Variants in RAB9B observed in about 807,000 individuals in gnomAD.
RAB9B encodes RAB9B, member RAS oncogene family.
Under a neutral mutation model 8.9 loss-of-function variants are expected in RAB9B, and 1 was observed. The observed-to-expected ratio is 0.11, with a 90% CI of 0.04 to 0.53. The LOEUF (loss-of-function observed/expected upper bound fraction) is 0.53. RAB9B is among the 20% of genes least tolerant of loss of function. The pLI, the probability that RAB9B is intolerant of heterozygous loss-of-function variation, is 0.93. For synonymous variants in RAB9B, 63 were observed against 57.0 expected (o/e 1.10, Z -0.47); for missense variants, 82 against 152.9 (o/e 0.54, Z 2.45).
At chrX:103,809,285 T>C in the RAB9B span, among the ~76,000 whole-genome samples, 1 of 112,268 alleles carries the variant, frequency 8.9e-6, no homozygotes, top group Non-Finnish European at 1.9e-5. Context: ...CCTCCAGAAC[T>C]GTAAGAGATA....
the RAB9B span, among the ~76,000 whole-genome samples, chrX:103,810,723 C>G: frequency 8.9e-6 from 1 of 111,758 alleles, no homozygotes; most frequent in African/African-American, 3.3e-5. Context: ...AGCTTCCTAC[C>G]CCTTTGCTTA....
chrX:103,805,312 A>G, the RAB9B span, among the ~76,000 whole-genome samples: 4 of 111,630 alleles, frequency 3.6e-5, no homozygotes, highest in African/African-American at 1.3e-4. Context: ...TCATATGTGA[A>G]CCAGGTTTGC....
intron 1 of RAB9B, among the ~76,000 whole-genome samples, chrX:103,828,958 T>C (rs1388670486): frequency 8.9e-6 from 1 of 112,171 alleles, no homozygotes; most frequent in East Asian, 2.8e-4. Flanking sequence ...ATCTTTCTGT[T>C]TCAGTATCTT....
chrX:103,785,740 T>A, the RAB9B span: 1 of 1,209,606 alleles, frequency 8.3e-7, no homozygotes, highest in Non-Finnish European at 1.1e-6. Flanking sequence ...CTCCAAAAAC[T>A]ACCAAGACTA....
chrX:103,817,585 A>G (rs1212934496), downstream of RAB9B, among the ~76,000 whole-genome samples: 1 of 109,500 alleles, frequency 9.1e-6, no homozygotes, highest in Non-Finnish European at 1.9e-5. Flanking sequence ...TACATATAAT[A>G]TATATATATA....
At chrX:103,820,298 A>G (rs2074654399), downstream of RAB9B, among the ~76,000 whole-genome samples, 1 of 112,290 alleles carries the variant, frequency 8.9e-6, no homozygotes, top group Non-Finnish European at 1.9e-5. Flanking sequence ...TAAATTTTAC[A>G]TTTCCACAGC....
At chrX:103,802,094 G>A in the RAB9B span, among the ~76,000 whole-genome samples, 4 of 110,215 alleles carry the variant, frequency 3.6e-5, no homozygotes, top group South Asian at 4.0e-4. Context: ...GATAACTTAC[G>A]AAGATACCAG....
At chrX:103,828,550 C>CTAG (rs2074692164) in intron 1 of RAB9B, among the ~76,000 whole-genome samples, 1 of 111,783 alleles carries the variant, frequency 8.9e-6, no homozygotes, top group African/African-American at 3.3e-5. Context: ...ATTCTGATGG[C>CTAG]TAGTATTAAG....
the RAB9B span, among the ~76,000 whole-genome samples, chrX:103,782,497 C>T: frequency 1.2e-4 from 13 of 112,154 alleles, no homozygotes; most frequent in Non-Finnish European, 2.1e-4. Flanking sequence ...ATCCATGACA[C>T]TCTCAGGTTA....
the RAB9B span, among the ~76,000 whole-genome samples, chrX:103,812,762 G>A: frequency 9.0e-6 from 1 of 110,589 alleles, no homozygotes; most frequent in Non-Finnish European, 1.9e-5. Flanking sequence ...TCCACTGTCT[G>A]ATGCCTAAAC....
chrX:103,815,730 C>A, the RAB9B span, among the ~76,000 whole-genome samples: 3 of 112,197 alleles, frequency 2.7e-5, no homozygotes, highest in East Asian at 8.4e-4. Flanking sequence ...GCAACTTCAG[C>A]AAAGTCTAAG....
the RAB9B span, chrX:103,781,025 G>A: frequency 5.2e-6 from 1 of 193,397 alleles, no homozygotes; most frequent in African/African-American, 2.9e-5. Context: ...TAGCTCTATT[G>A]TATAGGGTTC....
At chrX:103,777,586 G>A in the RAB9B span, among the ~76,000 whole-genome samples, 5 of 112,059 alleles carry the variant, frequency 4.5e-5, no homozygotes, top group East Asian at 2.8e-4. Flanking sequence ...GTGTGTATGT[G>A]CATATGTGCA....
chrX:103,776,587 C>T, the RAB9B span: 74 of 167,445 alleles, frequency 4.4e-4, 1 homozygote, highest in African/African-American at 2.0e-3. Context: ...AGGACATCTT[C>T]ATTTTATTTC....
chrX:103,790,802 C>T, the RAB9B span: 1 of 443,810 alleles, frequency 2.3e-6, no homozygotes, highest in Non-Finnish European at 4.0e-6. Context: ...AGTCATTTTG[C>T]TTCATAGCTG....
At chrX:103,814,137 C>T in the RAB9B span, among the ~76,000 whole-genome samples, 38 of 111,615 alleles carry the variant, frequency 3.4e-4, no homozygotes, top group East Asian at 8.4e-3. Context: ...AATATACATT[C>T]TTCTCAGCAC....
rs2232731 is a variant in RAB9B at position 103,825,092 on chromosome X, C to T, written c.*87G>A. On this transcript the variant is annotated 3_prime_UTR_variant, in exon 3 of 3. Coordinates refer to ENST00000243298, the MANE Select transcript of RAB9B (RefSeq NM_016370.4). Reference sequence around the variant, plus strand: ...ACCTTGTCTCTTACCCTCTTGTGTGCGTGTGTGTGCACTCTTAGAGGGGCA... The same window carrying T: ...ACCTTGTCTCTTACCCTCTTGTGTGTGTGTGTGTGCACTCTTAGAGGGGCA... 694 of 950,597 alleles carry T rather than the reference C, an allele frequency of 7.3e-4. No individual in the cohort carries two copies. Among genetic ancestry groups the T allele is most frequent in the South Asian group, 1.0e-3 (40 of 39,387 alleles). 78.3% of individuals were successfully genotyped at this position (950,597 alleles called of 1,213,427 possible).
At chrX:103,819,851 T>G (rs2147782621), downstream of RAB9B, among the ~76,000 whole-genome samples, 1 of 112,162 alleles carries the variant, frequency 8.9e-6, no homozygotes, top group Admixed American at 9.4e-5. Context: ...TCATGCACAT[T>G]AACGTTTTAT....
At chrX:103,790,645 A>G in the RAB9B span, 2 of 932,984 alleles carry the variant, frequency 2.1e-6, no homozygotes, top group Non-Finnish European at 3.1e-6. Flanking sequence ...CTCTAACCAC[A>G]CAGCCTACAA....
Sources: gnomAD v4.1 joint callset for allele counts (sites outside exome capture counted in the v4.1 genomes callset) on GRCh38, gnomAD v4.1.1 for gene constraint, MANE v1.5 for transcripts, NCBI Gene and HGNC (gene_info 2026-07-23, HGNC 2026-07-21) for gene names.